SLC7A4: variants seen among roughly 807,000 people sequenced by gnomAD.
SLC7A4 encodes the protein cationic amino acid transporter 4.
SLC7A4 carries 30 observed loss-of-function variants against 37.8 expected under a neutral mutation model. The observed-to-expected ratio is 0.79, with a 90% CI of 0.59 to 1.08. The LOEUF (loss-of-function observed/expected upper bound fraction) is 1.08. SLC7A4 is among the 50% of genes least tolerant of loss of function. The pLI, the probability that SLC7A4 is intolerant of heterozygous loss-of-function variation, is 0.00. For missense variants in SLC7A4, 839 were observed against 843.2 expected (o/e 1.00, Z 0.06); for synonymous variants, 359 against 376.5 (o/e 0.95, Z 0.54).
rs200188964 is a variant in SLC7A4, at chr22:21,031,244, A to C, written c.569T>G (p.Val190Gly). Residue 190 changes from valine (V) to glycine (G), a missense_variant, in exon 2 of 5, where the codon GTG becomes GGG. Physicochemically the swap from Val to Gly is moderately radical, Grantham distance 109. Transcript: ENST00000382932. The part of the protein sequence containing the change: ...ASAFVSCGAR[V>G]SSWLNHTFSA... ...GAAGGTGTGATTGAGCCAGGAGGAC[A>C]CGCGGGCTCCACAGGAGACAAAGGC... 4.6e-5 allele frequency: 74 copies of C among 1,613,600 alleles called. No individual in the cohort carries two copies. The highest frequency in any genetic ancestry group is 5.6e-5 in the Non-Finnish European group (66 of 1,179,788).
rs145643525 is a variant in SLC7A4 at position 21,030,746 on chromosome 22, A to C, written c.982+85T>G. 6.9e-3 allele frequency: 9,808 copies of C among 1,429,284 alleles called. 58 individuals carry two copies. The highest frequency in any genetic ancestry group is 8.4e-3 in the Non-Finnish European group (9,014 of 1,068,726). 88.5% of individuals were successfully genotyped at this position (1,429,284 alleles called of 1,614,324 possible). ...ATTATGCAACTAGTAAAACAGCCCCAGTTGAAGGTGCATTCCCCAAGAATC... is the reference window on the plus strand; with the variant it reads ...ATTATGCAACTAGTAAAACAGCCCCCGTTGAAGGTGCATTCCCCAAGAATC... On this transcript the variant is annotated intron_variant, in intron 2 of 4. Transcript: ENST00000382932.
Position 21,030,995 on chromosome 22 carries a change from G to A in SLC7A4, c.818C>T (p.Ala273Val), listed in dbSNP as rs1238268122. ...ACCAGCTGCAATGGCAAGCGAGATG[G>A]CGATGGCCAGAGGCACAGACCGCCG... Reference protein sequence around the residue: ...NPRRSVPLAIAISLAIAAGAY... With the variant: ...NPRRSVPLAIVISLAIAAGAY... Residue 273 changes from alanine (A) to valine (V), a missense_variant, in exon 2 of 5, where the codon GCC becomes GTC. By Grantham distance (64) the Ala-to-Val change is moderately conservative. Coordinates refer to ENST00000382932, the MANE Select transcript of SLC7A4 (RefSeq NM_004173.3). The A allele has an allele frequency of 6.2e-7, 1 of 1,614,082 alleles. No individual in the cohort carries two copies.
intron 3 of SLC7A4, 70 bp downstream of exon 3, chr22:21,029,641 G>A (rs1928809720): frequency 6.7e-7 from 1 of 1,501,560 alleles, no homozygotes; most frequent in Admixed American, 1.8e-5. Flanking sequence ...GTTCATTCTG[G>A]GATGGTAGTG....
At position 21,029,155 on chromosome 22, in the gene SLC7A4, G is replaced by A. The variant is rs1928786437; in HGVS notation, c.1808C>T (p.Thr603Ile). 1 of 1,613,906 alleles carries A rather than the reference G, an allele frequency of 6.2e-7. No homozygotes were observed. Among genetic ancestry groups the A allele is most frequent in the African/African-American group, 1.3e-5 (1 of 74,948 alleles). The change falls in exon 5 of 5, where the codon ACA becomes ATA. Residue 603 changes from threonine to isoleucine, a missense_variant. Physicochemically the swap from Thr to Ile is moderately conservative, Grantham distance 89 (BLOSUM62 -1). Coordinates refer to ENST00000382932, the MANE Select transcript of SLC7A4 (RefSeq NM_004173.3). ...GCCCCTGGGGAATACCACGTAGTGT[G>A]TGGAGTTCAGCCCTGGCAGCTCCCG... is the stretch of plus-strand genomic sequence containing the variant. ...NQRELPGLNS[T>I]HYVVFPRGSL...
Position 21,028,761 on chromosome 22 carries a change from G to C in SLC7A4, c.*294C>G. ...GGCTGGCCAAGCAATTATTATTATGGATCCCTTGGGCTGTGGGCCTTCCCA... is the reference window on the plus strand; with the variant it reads ...GGCTGGCCAAGCAATTATTATTATGCATCCCTTGGGCTGTGGGCCTTCCCA... On this transcript the variant is annotated 3_prime_UTR_variant, in exon 5 of 5. Coordinates refer to ENST00000382932, the MANE Select transcript of SLC7A4 (RefSeq NM_004173.3). The C allele has an allele frequency of 3.0e-6, 1 of 334,554 alleles. No individual in the cohort carries two copies. Among genetic ancestry groups the C allele is most frequent in the East Asian group, 4.9e-5 (1 of 20,502 alleles). 20.7% of individuals were successfully genotyped at this position (334,554 alleles called of 1,614,324 possible). A position where few individuals can be genotyped will look rare whatever the true frequency, so the allele number is the denominator to read the frequency against.
In SLC7A4 at chr22:21,029,345, G is replaced by C. The variant is rs750996417; in HGVS notation, c.1723C>G (p.Leu575Val). The change falls in exon 4 of 5, where the codon CTG becomes GTG. Residue 575 changes from leucine (L) to valine (V), a missense_variant. By Grantham distance (32) the Leu-to-Val change is conservative (BLOSUM62 1). Transcript: ENST00000382932. ...CCTGGCCCCCACTCACCCATCAGCA[G>C]CCAGATGGAGAAGCGCACCCAGGTC... Reference protein sequence around the residue: ...YLTWVRFSIWLLMGLAVYFGY... With the variant: ...YLTWVRFSIWVLMGLAVYFGY... 6.2e-7 allele frequency: 1 copy of C among 1,612,850 alleles called. No homozygotes were observed. Among genetic ancestry groups the C allele is most frequent in the Non-Finnish European group, 8.5e-7 (1 of 1,179,080 alleles).
chr22:21,030,903 C>T lies in SLC7A4; in HGVS notation c.910G>A (p.Ala304Thr), dbSNP rs760027253. The change falls in exon 2 of 5, where the codon GCG becomes ACG. Residue 304 changes from alanine (A) to threonine (T), a missense_variant. By Grantham distance (58) the Ala-to-Thr change is moderately conservative. Coordinates refer to ENST00000382932, the MANE Select transcript of SLC7A4 (RefSeq NM_004173.3). Reference sequence around the variant, plus strand: ...CGCTGGTAGAAGGCATCTGCAAGCGCTGAGTCGGGGTCCAGGCTGTGCCAG... The same window carrying T: ...CGCTGGTAGAAGGCATCTGCAAGCGTTGAGTCGGGGTCCAGGCTGTGCCAG... Reference protein sequence around the residue: ...VPWHSLDPDSALADAFYQRGY... With the variant: ...VPWHSLDPDSTLADAFYQRGY... 28 of 1,613,678 alleles carry T rather than the reference C, an allele frequency of 1.7e-5. No individual in the cohort carries two copies. Among genetic ancestry groups the T allele is most frequent in the Non-Finnish European group, 2.3e-5 (27 of 1,179,892 alleles).
rs1185262055 is a variant in SLC7A4 at position 21,031,681 on chromosome 22, A to G, written c.132T>C (p.Leu44=). ...RRCLSTLDLT[L]LGVGGMVGSG... ...AGCCCACCATGCCACCCACGCCCAG[A>G]AGAGTCAGGTCCAGCGTGGACAGGC... is the stretch of plus-strand genomic sequence containing the variant. The change falls in exon 2 of 5, where the codon CTT becomes CTC. Residue 44 remains leucine (L), a synonymous_variant. Coordinates refer to ENST00000382932, the MANE Select transcript of SLC7A4 (RefSeq NM_004173.3). 1 of 1,613,658 alleles carries G rather than the reference A, an allele frequency of 6.2e-7. No individual in the cohort carries two copies. Among genetic ancestry groups the G allele is most frequent in the East Asian group, 2.2e-5 (1 of 44,862 alleles).
Position 21,029,109 on chromosome 22 carries a change from C to T in SLC7A4, c.1854G>A (p.Gln618=), listed in dbSNP as rs1928783358. 3.1e-6 allele frequency: 5 copies of T among 1,613,198 alleles called. No individual in the cohort carries two copies. The Admixed American group carries it at 5.0e-5, about 16-fold the overall frequency. ...GTGCCTGGCTGGGGGGCTGCATAGC[C>T]TGCACTGTCTCCTCCAGGCTGCCCC... ...FPRGSLEETV[Q]AMQPPSQAPA... The change falls in exon 5 of 5, where the codon CAG becomes CAA. Residue 618 remains glutamine, a synonymous_variant. Transcript: ENST00000382932.
In SLC7A4 at chr22:21,031,096, G is replaced by A. The variant is rs984206505; in HGVS notation, c.717C>T (p.Ala239=). ...FAPFGFSGVM[A]GTASCFYAFV... ...AAGCATAGAAGCAGGAGGCAGTGCCGGCCATGACGCCGGAGAAGCCGAAGG... is the reference window on the plus strand; with the variant it reads ...AAGCATAGAAGCAGGAGGCAGTGCCAGCCATGACGCCGGAGAAGCCGAAGG... Residue 239 remains alanine (A), a synonymous_variant, in exon 2 of 5, where the codon GCC becomes GCT. Transcript: ENST00000382932. 5 of 1,614,020 alleles carry A rather than the reference G, an allele frequency of 3.1e-6. No individual in the cohort carries two copies. Among genetic ancestry groups the A allele is most frequent in the Admixed American group, 3.3e-5 (2 of 60,026 alleles).
Position 21,030,056 on chromosome 22 carries a change from G to C in SLC7A4, c.1278C>G (p.Ala426=). 6.2e-7 allele frequency: 1 copy of C among 1,611,146 alleles called. No homozygotes were observed. The highest frequency in any genetic ancestry group is 8.5e-7 in the Non-Finnish European group (1 of 1,179,350). The change falls in exon 3 of 5, where the codon GCC becomes GCG. Residue 426 remains alanine, a synonymous_variant. Transcript: ENST00000382932. ...GCTGCTTGGTCAGGGGGCCAGGGCT[G>C]GCTGGGCCTGGGGAGCTGGGCGGGG... is the stretch of plus-strand genomic sequence containing the variant. ...KSSPPSSPGP[A]SPGPLTKQQS...
Position 21,031,245 on chromosome 22 carries a change from C to T in SLC7A4, c.568G>A (p.Val190Met), listed in dbSNP as rs755774555. ...ASAFVSCGAR[V>M]SSWLNHTFSA... ...AAGGTGTGATTGAGCCAGGAGGACA[C>T]GCGGGCTCCACAGGAGACAAAGGCA... Residue 190 changes from valine (V) to methionine (M), a missense_variant, in exon 2 of 5, where the codon GTG becomes ATG. Val to Met is a conservative substitution (Grantham distance 21, BLOSUM62 1). Coordinates refer to ENST00000382932, the MANE Select transcript of SLC7A4 (RefSeq NM_004173.3). 16 of 1,613,350 alleles carry T rather than the reference C, an allele frequency of 9.9e-6. No homozygotes were observed. Among genetic ancestry groups the T allele is most frequent in the South Asian group, 9.9e-5 (9 of 91,042 alleles).
At position 21,031,243 on chromosome 22, in the gene SLC7A4, C is replaced by T; in HGVS notation, c.570G>A (p.Val190=). The change falls in exon 2 of 5, where the codon GTG becomes GTA. Residue 190 remains valine (V), a synonymous_variant. Coordinates refer to ENST00000382932, the MANE Select transcript of SLC7A4 (RefSeq NM_004173.3). ...ASAFVSCGAR[V]SSWLNHTFSA... is the part of the protein sequence containing the mutation. ...AGAAGGTGTGATTGAGCCAGGAGGA[C>T]ACGCGGGCTCCACAGGAGACAAAGG... 1.2e-6 allele frequency: 2 copies of T among 1,613,514 alleles called. No homozygotes were observed. Among genetic ancestry groups the T allele is most frequent in the Non-Finnish European group, 1.7e-6 (2 of 1,179,788 alleles).
Position 21,029,828 on chromosome 22 carries a change from G to A in SLC7A4, c.1506C>T (p.Thr502=), listed in dbSNP as rs751897573. Residue 502 remains threonine, a synonymous_variant, in exon 3 of 5, where the codon ACC becomes ACT. Coordinates refer to ENST00000382932, the MANE Select transcript of SLC7A4 (RefSeq NM_004173.3). The part of the protein sequence containing the change: ...IGCVLVFGNS[T]LHLPHWGYIL... ...TGTAACCCCAGTGTGGGAGGTGCAG[G>A]GTCGAGTTCCCAAAGACAAGCACGC... 20 of 1,613,590 alleles carry A rather than the reference G, an allele frequency of 1.2e-5. No individual in the cohort carries two copies. The highest frequency in any genetic ancestry group is 1.6e-5 in the Non-Finnish European group (19 of 1,180,004).
Position 21,031,775 on chromosome 22 carries a change from C to T in SLC7A4, c.38G>A (p.Arg13His), listed in dbSNP as rs756885855. 5.2e-6 allele frequency: 8 copies of T among 1,544,336 alleles called. No homozygotes were observed. The highest frequency in any genetic ancestry group is 1.8e-4 in the Middle Eastern group (1 of 5,454). ...CAGGCGGTTCAGCTTCTGGCATAAG[C>T]GTGCCAGGCTAGCAATGGTGGGCAG... ...RGLPTIASLA[R>H]LCQKLNRLKP... Residue 13 changes from arginine to histidine, a missense_variant, in exon 2 of 5, where the codon CGC becomes CAC. Physicochemically the swap from Arg to His is conservative, Grantham distance 29. Coordinates refer to ENST00000382932, the MANE Select transcript of SLC7A4 (RefSeq NM_004173.3).
In SLC7A4 at chr22:21,029,793, A is replaced by G; in HGVS notation, c.1541T>C (p.Leu514Pro). 2 of 1,613,488 alleles carry G rather than the reference A, an allele frequency of 1.2e-6. No homozygotes were observed. Among genetic ancestry groups the G allele is most frequent in the South Asian group, 1.1e-5 (1 of 91,082 alleles). The change falls in exon 3 of 5, where the codon CTC becomes CCC. Residue 514 changes from leucine (L) to proline (P), a missense_variant. Coordinates refer to ENST00000382932, the MANE Select transcript of SLC7A4 (RefSeq NM_004173.3). ...HLPHWGYILL[L>P]LLTSVMFLLS... is the part of the protein sequence containing the mutation. ...CAGAAACATGACACTGGTGAGCAGGAGCAGCAGGATGTAACCCCAGTGTGG... is the reference window on the plus strand; with the variant it reads ...CAGAAACATGACACTGGTGAGCAGGGGCAGCAGGATGTAACCCCAGTGTGG...
Position 21,031,427 on chromosome 22 carries a change from C to A in SLC7A4, c.386G>T (p.Gly129Val). ...CCAGGCACGGGCCACGGCGGCGCCACCGATGATGTATTCGAGGAGAACATT... is the reference window on the plus strand; with the variant it reads ...CCAGGCACGGGCCACGGCGGCGCCAACGATGATGTATTCGAGGAGAACATT... ...GWNVLLEYII[G>V]GAAVARAWSG... The change falls in exon 2 of 5, where the codon GGT becomes GTT. Residue 129 changes from glycine to valine, a missense_variant. By Grantham distance (109) the Gly-to-Val change is moderately radical. Transcript: ENST00000382932. 1 of 1,601,488 alleles carries A rather than the reference C, an allele frequency of 6.2e-7. No homozygotes were observed.
rs776514773 is a variant in SLC7A4 at position 21,031,216 on chromosome 22, C to T, written c.597G>A (p.Ser199=). The T allele has an allele frequency of 1.3e-4, 210 of 1,613,534 alleles. No homozygotes were observed. Among genetic ancestry groups the T allele is most frequent in the Middle Eastern group, 6.6e-4 (4 of 6,084 alleles). ...AGAGAATGACAAGCAGGCTGATGGCCGAGAAGGTGTGATTGAGCCAGGAGG... is the reference window on the plus strand; with the variant it reads ...AGAGAATGACAAGCAGGCTGATGGCTGAGAAGGTGTGATTGAGCCAGGAGG... ...RVSSWLNHTF[S]AISLLVILFI... Residue 199 remains serine, a synonymous_variant, in exon 2 of 5, where the codon TCG becomes TCA. Coordinates refer to ENST00000382932, the MANE Select transcript of SLC7A4 (RefSeq NM_004173.3).
rs34979421 is a variant in SLC7A4, at chr22:21,031,306, C to T, written c.507G>A (p.Pro169=). 563 of 1,609,136 alleles carry T rather than the reference C, an allele frequency of 3.5e-4. No homozygotes were observed. The highest frequency in any genetic ancestry group is 4.5e-4 in the Non-Finnish European group (531 of 1,177,772). ...GGATGATGCCAGCAGCCAGGAAGTCCGGGTAGTGGCCCAGGAGGGGCACCT... is the reference window on the plus strand; with the variant it reads ...GGATGATGCCAGCAGCCAGGAAGTCTGGGTAGTGGCCCAGGAGGGGCACCT... ...SWQVPLLGHY[P]DFLAAGIILL... Residue 169 remains proline (P), a synonymous_variant, in exon 2 of 5, where the codon CCG becomes CCA. Transcript: ENST00000382932.
Sources: gnomAD v4.1 joint callset for allele counts on GRCh38, gnomAD v4.1.1 for gene constraint, MANE v1.5 for transcripts, NCBI Gene and HGNC (gene_info 2026-07-23, HGNC 2026-07-21) for gene names.